Variants in SHTN1 observed in about 807,000 individuals in gnomAD.
The protein encoded by SHTN1 is shootin 1.
Under a neutral mutation model 83.1 loss-of-function variants are expected in SHTN1, and 42 were observed. The ratio of observed to expected loss-of-function variants is 0.51; its 90% CI spans 0.39 to 0.65. The LOEUF is 0.65. Among genes scored for constraint, SHTN1 ranks in the 30% least tolerant of loss-of-function variants. The probability of loss-of-function intolerance (pLI) is 0.00; values close to 1 mark genes in which losing one functional copy is unlikely to be tolerated. For synonymous variants in SHTN1, 224 were observed against 247.7 expected, an observed-to-expected ratio of 0.90 and a Z score of 0.90; for missense variants, 622 against 737.8, an observed-to-expected ratio of 0.84 and a Z score of 1.82.
At chr10:116,931,048 T>C (rs948078457) in intron 9 of SHTN1, among the ~76,000 whole-genome samples, 2 of 151,802 alleles carry the variant, frequency 1.3e-5, no homozygotes, top group African/African-American at 4.8e-5. Context: ...TGGGTCACTT[T>C]TGTACCCATT....
At chr10:117,018,271 G>C (rs1852210188) in intron 2 of SHTN1, among the ~76,000 whole-genome samples, 1 of 152,136 alleles carries the variant, frequency 6.6e-6, no homozygotes, top group Admixed American at 6.5e-5. Context: ...GGTATACTCT[G>C]TATTATTTTT....
At chr10:117,078,535 T>C (rs1225333089) in intron 1 of SHTN1, among the ~76,000 whole-genome samples, 1 of 152,230 alleles carries the variant, frequency 6.6e-6, no homozygotes, top group Non-Finnish European at 1.5e-5. Flanking sequence ...AAGCGTACCA[T>C]GCAGATGCTC....
intron 7 of SHTN1, among the ~76,000 whole-genome samples, chr10:116,948,324 C>T (rs1221027141): frequency 6.6e-6 from 1 of 152,152 alleles, no homozygotes; most frequent in Admixed American, 6.5e-5. Context: ...TCTGCTTTTC[C>T]TGATCATTAG....
chr10:117,068,137 A>C (rs1238611644), intron 1 of SHTN1, among the ~76,000 whole-genome samples: 1 of 152,122 alleles, frequency 6.6e-6, no homozygotes, highest in Non-Finnish European at 1.5e-5. Context: ...CACGTCTGTA[A>C]TCCCAGCATT....
intron 1 of SHTN1, among the ~76,000 whole-genome samples, chr10:117,061,004 T>C (rs1239106048): frequency 2.0e-5 from 3 of 152,288 alleles, no homozygotes; most frequent in Middle Eastern, 6.8e-3. Flanking sequence ...AGGAATCCAA[T>C]TGGGAAGAAA....
chr10:117,032,284 A>G (rs527270815), intron 2 of SHTN1, among the ~76,000 whole-genome samples: 3 of 152,040 alleles, frequency 2.0e-5, no homozygotes, highest in East Asian at 1.9e-4. Context: ...GCTCACTGCA[A>G]CCTCCGCCTC....
chr10:116,960,900 T>TA (rs1232242937), intron 3 of SHTN1, among the ~76,000 whole-genome samples: 2 of 152,228 alleles, frequency 1.3e-5, no homozygotes, highest in African/African-American at 4.8e-5. Flanking sequence ...TTTTACTTGA[T>TA]ATGTCACCAA....
chr10:116,921,469 C>A lies in SHTN1; in HGVS notation c.1160G>T (p.Gly387Val). 6.2e-7 allele frequency: 1 copy of A among 1,613,836 alleles called. No individual in the cohort carries two copies. Among genetic ancestry groups the A allele is most frequent in the Non-Finnish European group, 8.5e-7 (1 of 1,179,828 alleles). The change falls in exon 12 of 17, where the codon GGT (glycine) becomes GTT (valine). Residue 387 changes from glycine to valine, a missense_variant. Physicochemically the swap from Gly to Val is moderately radical, Grantham distance 109. This residue lies in a region of SHTN1 where 383 missense variants were observed against 455.8 expected (regional missense o/e 0.84). Coordinates refer to ENST00000355371, the MANE Select transcript of SHTN1 (RefSeq NM_001127211.3). ...IRKRSHPSGS[G>V]AKKEKATQPE... is the part of the protein sequence containing the mutation. ...TTGAGTTGCCTTTTCTTTCTTAGCA[C>A]CACTGCCACTGGGGTGGGATCGTTT... is the stretch of plus-strand genomic sequence containing the variant.
intron 9 of SHTN1, among the ~76,000 whole-genome samples, chr10:116,935,093 A>T (rs1589821056): frequency 6.6e-6 from 1 of 152,344 alleles, no homozygotes; most frequent in South Asian, 2.1e-4. Flanking sequence ...CTAAATATAC[A>T]ATCATGTCAT....
intron 2 of SHTN1, among the ~76,000 whole-genome samples, chr10:116,975,738 TC>T (rs920485980): frequency 1.3e-5 from 2 of 151,896 alleles, no homozygotes; most frequent in Non-Finnish European, 2.9e-5. Flanking sequence ...ATGGGTCCAC[TC>T]CCCCTGCCCC....
At chr10:117,029,717 C>T (rs1301766615) in intron 2 of SHTN1, among the ~76,000 whole-genome samples, 1 of 152,132 alleles carries the variant, frequency 6.6e-6, no homozygotes, top group East Asian at 1.9e-4. Flanking sequence ...GAAGTGCTGG[C>T]TCCCCCATCG....
chr10:117,100,380 C>T (rs1441472965), intron 1 of SHTN1, among the ~76,000 whole-genome samples: 2 of 152,082 alleles, frequency 1.3e-5, no homozygotes, highest in Non-Finnish European at 2.9e-5. Context: ...GACTTATGGC[C>T]CACACAGCCT....
intron 1 of SHTN1, among the ~76,000 whole-genome samples, chr10:116,995,395 T>C (rs1851592871): frequency 6.6e-6 from 1 of 152,204 alleles, no homozygotes; most frequent in African/African-American, 2.4e-5. Flanking sequence ...GGGACTAACA[T>C]GATGAGGGAC....
chr10:117,028,113 CT>C (rs1381196410), intron 2 of SHTN1, among the ~76,000 whole-genome samples: 2 of 152,108 alleles, frequency 1.3e-5, no homozygotes, highest in African/African-American at 4.8e-5. Flanking sequence ...TTTGTTAGGC[CT>C]TAGCAAAGAA....
Position 116,881,689 on chromosome 10 carries a change from T to C in SHTN1, c.*4655A>G, listed in dbSNP as rs910901730. 3.4e-6 allele frequency: 5 copies of C among 1,469,100 alleles called. No homozygotes were observed. Among genetic ancestry groups the C allele is most frequent in the Middle Eastern group, 1.8e-4 (1 of 5,704 alleles). The allele number at this position is 1,469,100 out of a possible 1,614,324, so 91.0% of individuals were successfully genotyped here. On this transcript the variant is annotated 3_prime_UTR_variant, in exon 17 of 17. Coordinates refer to ENST00000355371, the MANE Select transcript of SHTN1 (RefSeq NM_001127211.3). ...GGATAGGGCTGTACACACCCCAGGT[T>C]CCAGCCACACCATCAGTATTAGTAG...
At chr10:116,903,191 T>C (rs899757437) in intron 15 of SHTN1, among the ~76,000 whole-genome samples, 2 of 152,196 alleles carry the variant, frequency 1.3e-5, no homozygotes, top group Non-Finnish European at 2.9e-5. Flanking sequence ...AATTCACCTA[T>C]ACTCTCTAGG....
chr10:117,048,382 GGAAA>G (rs1852697360), intron 2 of SHTN1: 2 of 560,730 alleles, frequency 3.6e-6, no homozygotes, highest in Non-Finnish European at 4.5e-6. Flanking sequence ...ATTCTAGATA[GGAAA>G]GATTCATTTT....
At chr10:116,942,243 C>A (rs991504525) in intron 8 of SHTN1, among the ~76,000 whole-genome samples, 1 of 149,996 alleles carries the variant, frequency 6.7e-6, no homozygotes, top group African/African-American at 2.5e-5. Context: ...GATGGAGTCT[C>A]GCTCTGGCAC....
chr10:116,947,595 G>A (rs767009130), intron 7 of SHTN1, among the ~76,000 whole-genome samples: 5 of 152,102 alleles, frequency 3.3e-5, no homozygotes, highest in African/African-American at 1.2e-4. Flanking sequence ...AGAAAACAAA[G>A]AACACTATGA....
Sources: gnomAD v4.1 joint callset for allele counts (sites outside exome capture counted in the v4.1 genomes callset) on GRCh38, gnomAD v4.1.1 for gene constraint, gnomAD v4.1.1 regional missense constraint, MANE v1.5 for transcripts, NCBI Gene and HGNC (gene_info 2026-07-23, HGNC 2026-07-21) for gene names.